The following DCC variants were observed in gnomAD, a reference collection of about 807,000 sequenced individuals.
The protein encoded by DCC is netrin receptor DCC.
A neutral mutation model predicts 172.5 loss-of-function variants in DCC; 58 were observed. The ratio of observed to expected loss-of-function variants is 0.34; its 90% CI spans 0.27 to 0.42. The LOEUF (loss-of-function observed/expected upper bound fraction) is 0.42, where lower values mean the gene tolerates loss of function less well. Ranked by LOEUF, DCC falls within the 10% of genes least tolerant of loss-of-function variation. The probability of loss-of-function intolerance (pLI) is 1.00; values close to 1 mark genes in which losing one functional copy is unlikely to be tolerated. For missense variants in DCC, 1,740 were observed against 1,791.0 expected (o/e 0.97, Z 0.51); for synonymous variants, 709 against 644.5 (o/e 1.10, Z -1.52).
rs114556132 is a variant in DCC at position 53,116,345 on chromosome 18, T to A, written c.1262-41011T>A. 1.5e-3 allele frequency among the ~76,000 whole-genome samples: 226 copies of A among 151,868 alleles called. 2 individuals are homozygous for A. The highest frequency in any genetic ancestry group is 5.3e-3 in the African/African-American group (222 of 41,532). ...AGAGGATTCCATTGTTTATTTGGGA[T>A]ACGCCTTATGTAAATGGAGAGGAAG... On this transcript the variant is annotated intron_variant, in intron 7 of 28. Coordinates refer to ENST00000442544, the MANE Select transcript of DCC (RefSeq NM_005215.4).
chr18:53,282,577 G>A (rs561787649), intron 12 of DCC, among the ~76,000 whole-genome samples: 23 of 152,178 alleles, frequency 1.5e-4, no homozygotes, highest in African/African-American at 5.5e-4. Flanking sequence ...TTAATATCTG[G>A]AGTTTATTAT....
chr18:53,330,986 G>A (rs1446016391), intron 14 of DCC, among the ~76,000 whole-genome samples: 1 of 152,052 alleles, frequency 6.6e-6, no homozygotes, highest in African/African-American at 2.4e-5. Context: ...TTCATAGCTG[G>A]GTATTTGTGT....
Position 52,712,561 on chromosome 18 carries a change from A to G in DCC, c.92-39493A>G, listed in dbSNP as rs74760710. 9.5e-3 allele frequency among the ~76,000 whole-genome samples: 1,440 copies of G among 152,296 alleles called. 15 individuals are homozygous for G. The highest frequency in any genetic ancestry group is 0.024 in the Middle Eastern group (7 of 294). ...TCAAAGCAGGTAGAATTCTCTCCATATTCCATGCAAGAATCTTGAAATACT... is the reference window on the plus strand; with the variant it reads ...TCAAAGCAGGTAGAATTCTCTCCATGTTCCATGCAAGAATCTTGAAATACT... On this transcript the variant is annotated intron_variant, in intron 1 of 28. Coordinates refer to ENST00000442544, the MANE Select transcript of DCC (RefSeq NM_005215.4).
chr18:53,264,215 G>A lies in DCC; in HGVS notation c.1912-41363G>A, dbSNP rs374987847. ...ATTTAAAAGAAACACAGGGCTAGGC[G>A]CGGTGGCTCATGCCTGTAATCCCAG... On this transcript the variant is annotated intron_variant, in intron 12 of 28. Coordinates refer to ENST00000442544, the MANE Select transcript of DCC (RefSeq NM_005215.4). 9.6e-4 allele frequency among the ~76,000 whole-genome samples: 146 copies of A among 152,168 alleles called. 1 individual carries two copies. Among genetic ancestry groups the A allele is most frequent in the African/African-American group, 3.1e-3 (128 of 41,510 alleles).
chr18:53,046,378 T>G (rs775673980), intron 5 of DCC, among the ~76,000 whole-genome samples: 6 of 151,820 alleles, frequency 4.0e-5, no homozygotes, highest in Non-Finnish European at 7.4e-5. Flanking sequence ...AGTGAAAATT[T>G]TATCTATTCT....
chr18:53,099,939 C>CTTTTTTTTTTTTTTTTTTTTTTTTTT lies in DCC; in HGVS notation c.1261+33776_1261+33777insTTTTTTTTTTTTTTTTTTTTTTTTTT, dbSNP rs200213348. On this transcript the variant is annotated intron_variant, in intron 7 of 28. Transcript: ENST00000442544. ...AAGAGACTTTTCTTTTCTTTTCTTT[C>CTTTTTTTTTTTTTTTTTTTTTTTTTT]TTTCTTTTTTTTTTTTTTTTTGTTT... 1.5e-4 allele frequency among the ~76,000 whole-genome samples: 13 copies of CTTTTTTTTTTTTTTTTTTTTTTTTTT among 87,182 alleles called. 3 individuals are homozygous for CTTTTTTTTTTTTTTTTTTTTTTTTTT. The highest frequency in any genetic ancestry group is 3.2e-4 in the Admixed American group (3 of 9,246). 57.2% of individuals were successfully genotyped at this position (87,182 alleles called of 152,430 possible). A position where few individuals can be genotyped will look rare whatever the true frequency, so the allele number is the denominator to read the frequency against.
intron 1 of DCC, among the ~76,000 whole-genome samples, chr18:52,540,426 C>CA (rs955542067): frequency 2.2e-4 from 32 of 148,374 alleles, no homozygotes; most frequent in South Asian, 6.4e-4. Flanking sequence ...GACCCTGACT[C>CA]AAAAAAAAAC....
chr18:53,361,757 T>C (rs2057950703), intron 15 of DCC, among the ~76,000 whole-genome samples: 2 of 152,204 alleles, frequency 1.3e-5, no homozygotes, highest in Admixed American at 6.5e-5. Flanking sequence ...TAAATGTGAA[T>C]GGAATACAAT....
At chr18:53,237,279 A>G (rs963046144) in intron 12 of DCC, 1 of 153,926 alleles carries the variant, frequency 6.5e-6, no homozygotes, top group African/African-American at 2.4e-5. Context: ...GGTGACTGAG[A>G]TAAAATAGAA....
chr18:52,682,146 C>G (rs2035759453), intron 1 of DCC, among the ~76,000 whole-genome samples: 1 of 152,090 alleles, frequency 6.6e-6, no homozygotes, highest in African/African-American at 2.4e-5. Context: ...GATTGCCTAA[C>G]TTTGCCCAAT....
intron 7 of DCC, among the ~76,000 whole-genome samples, chr18:53,097,297 T>G (rs531451356): frequency 6.6e-6 from 1 of 152,296 alleles, no homozygotes; most frequent in South Asian, 2.1e-4. Context: ...GCTGATCACT[T>G]CCCGGTTGCC....
chr18:53,323,672 T>A (rs1028472977), intron 14 of DCC, among the ~76,000 whole-genome samples: 2 of 151,902 alleles, frequency 1.3e-5, no homozygotes, highest in African/African-American at 2.4e-5. Context: ...GTTGGTTGGA[T>A]GGTTGGATGG....
At chr18:52,687,961 T>C (rs1204426577) in intron 1 of DCC, among the ~76,000 whole-genome samples, 2 of 152,140 alleles carry the variant, frequency 1.3e-5, no homozygotes, top group African/African-American at 2.4e-5. Flanking sequence ...TCTTTTGGCT[T>C]TTCTGCTTTG....
At chr18:52,421,553 G>T (rs1380715741) in intron 1 of DCC, among the ~76,000 whole-genome samples, 1 of 152,142 alleles carries the variant, frequency 6.6e-6, no homozygotes, top group Non-Finnish European at 1.5e-5. Context: ...GGCTCTTGAG[G>T]GATGGTGTCT....
intron 22 of DCC, among the ~76,000 whole-genome samples, chr18:53,437,606 A>AAAAGCTC (rs1568132111): frequency 3.4e-5 from 5 of 147,132 alleles, no homozygotes; most frequent in African/African-American, 1.3e-4. Flanking sequence ...AAAAAAAAAA[A>AAAAGCTC]AAAAGCTCAC....
At chr18:52,539,844 T>G (rs2032389210) in intron 1 of DCC, among the ~76,000 whole-genome samples, 1 of 152,140 alleles carries the variant, frequency 6.6e-6, no homozygotes, top group Non-Finnish European at 1.5e-5. Flanking sequence ...CCACAAAACA[T>G]GTTATACATG....
At chr18:53,506,190 A>G (rs1391961439) in intron 27 of DCC, among the ~76,000 whole-genome samples, 2 of 152,096 alleles carry the variant, frequency 1.3e-5, no homozygotes, top group East Asian at 1.9e-4. Flanking sequence ...GGACACTCGA[A>G]TGTTGGTTGA....
At chr18:53,448,053 T>TG (rs1342118845) in intron 22 of DCC, among the ~76,000 whole-genome samples, 61 of 149,794 alleles carry the variant, frequency 4.1e-4, no homozygotes, top group African/African-American at 1.4e-3. Flanking sequence ...ATGAGTTTTT[T>TG]TTTTTTTTTT....
intron 26 of DCC, among the ~76,000 whole-genome samples, chr18:53,497,799 T>C (rs2046043882): frequency 6.6e-6 from 1 of 152,218 alleles, no homozygotes; most frequent in Admixed American, 6.5e-5. Flanking sequence ...TTATCCTTAA[T>C]ACTGTGCATT....
Sources: allele counts gnomAD v4.1 joint callset (sites outside exome capture counted in the v4.1 genomes callset), GRCh38; gene constraint gnomAD v4.1.1; transcripts MANE v1.5; gene names NCBI Gene and HGNC (gene_info 2026-07-23, HGNC 2026-07-21).